UBR3: variants seen among roughly 807,000 people sequenced by gnomAD.
UBR3 encodes E3 ubiquitin-protein ligase UBR3.
In UBR3, 85 loss-of-function variants were observed where a neutral mutation model predicts 243.2. That is an observed-to-expected ratio of 0.35 (90% CI 0.29 to 0.42). The LOEUF (loss-of-function observed/expected upper bound fraction) is 0.42, where lower values mean the gene tolerates loss of function less well. UBR3 is among the 10% of genes least tolerant of loss of function. The pLI, the probability that UBR3 is intolerant of heterozygous loss-of-function variation, is 1.00. For missense variants in UBR3, 1,686 were observed against 2,300.8 expected (o/e 0.73, Z 5.47); for synonymous variants, 748 against 799.8 (o/e 0.94, Z 1.09).
intron 1 of UBR3, among the ~76,000 whole-genome samples, chr2:169,843,146 T>C (rs903921957): frequency 2.0e-5 from 3 of 152,232 alleles, no homozygotes; most frequent in African/African-American, 4.8e-5. Flanking sequence ...GTATTTATTA[T>C]AGCAACGACA....
intron 11 of UBR3, among the ~76,000 whole-genome samples, chr2:169,917,656 G>A (rs1055239297): frequency 3.9e-5 from 6 of 152,124 alleles, no homozygotes; most frequent in Admixed American, 2.0e-4. Flanking sequence ...TAAAAGAAGA[G>A]AAATTAAGTA....
intron 24 of UBR3, among the ~76,000 whole-genome samples, chr2:169,972,236 G>C (rs2088189952): frequency 6.6e-6 from 1 of 152,106 alleles, no homozygotes; most frequent in African/African-American, 2.4e-5. Context: ...TCTCTGAATA[G>C]ACCAATAACA....
Position 169,895,298 on chromosome 2 carries a change from A to C in UBR3, c.1223A>C (p.Asp408Ala). The C allele has an allele frequency of 6.5e-7, 1 of 1,543,034 alleles. No individual in the cohort carries two copies. The highest frequency in any genetic ancestry group is 1.2e-5 in the South Asian group (1 of 82,332). Residue 408 changes from aspartate (D) to alanine (A), a missense_variant, in exon 7 of 39, where the codon GAT becomes GCT. By Grantham distance (126) the Asp-to-Ala change is moderately radical (BLOSUM62 -2). This residue lies in a region of UBR3 where 200 missense variants were observed against 231.6 expected (regional missense o/e 0.86). Transcript: ENST00000272793. ...MVTFLLNMLP[D>A]QEYKVAFTKT... Reference sequence around the variant, plus strand: ...ACTTTCTTACTCAACATGCTTCCAGATCAAGAGTATAAGGTATCTATATAT... The same window carrying C: ...ACTTTCTTACTCAACATGCTTCCAGCTCAAGAGTATAAGGTATCTATATAT...
intron 24 of UBR3, among the ~76,000 whole-genome samples, chr2:169,971,316 G>A (rs1574313052): frequency 6.6e-6 from 1 of 151,592 alleles, no homozygotes; most frequent in African/African-American, 2.4e-5. Flanking sequence ...CTGTGCAGAA[G>A]CTCTTTAGTT....
intron 1 of UBR3, among the ~76,000 whole-genome samples, chr2:169,840,217 G>A (rs367579984): frequency 1.4e-4 from 21 of 152,320 alleles, no homozygotes; most frequent in African/African-American, 5.1e-4. Context: ...TGAGCCTGAA[G>A]TTTGGCAGTT....
chr2:170,001,912 C>CAAAAAAAAAAAAAAAAAAAAAAAAAAA (rs71006062), intron 27 of UBR3, among the ~76,000 whole-genome samples: 14 of 67,496 alleles, frequency 2.1e-4, no homozygotes, highest in Non-Finnish European at 2.5e-4. Context: ...GACTCCATCT[C>CAAAAAAAAAAAAAAAAAAAAAAAAAAA]AAAAAAAAAA....
chr2:169,962,123 G>A (rs2087604399), intron 24 of UBR3, among the ~76,000 whole-genome samples: 2 of 152,094 alleles, frequency 1.3e-5, no homozygotes, highest in Non-Finnish European at 2.9e-5. Context: ...GAGTATCCCT[G>A]CGGAGGCCCA....
At position 170,073,446 on chromosome 2, in the gene UBR3, G is replaced by A. The variant is rs1311797961; in HGVS notation, c.5038G>A (p.Val1680Ile). The A allele has an allele frequency of 1.2e-6, 2 of 1,613,462 alleles. No homozygotes were observed. The highest frequency in any genetic ancestry group is 1.1e-5 in the South Asian group (1 of 90,982). ...PSCQEEEEFS[V>I]LASCLGLLPT... ...CTAAAAGGAAGAAGAAGAATTTTCAGTTCTTGCCAGCTGCCTGGGACTTCT... is the reference window on the plus strand; with the variant it reads ...CTAAAAGGAAGAAGAAGAATTTTCAATTCTTGCCAGCTGCCTGGGACTTCT... The change falls in exon 36 of 39, where the codon GTT (valine) becomes ATT (isoleucine). Residue 1680 changes from valine to isoleucine, a missense_variant. By Grantham distance (29) the Val-to-Ile change is conservative (BLOSUM62 3). This residue lies in a region of UBR3 where 371 missense variants were observed against 422.5 expected (regional missense o/e 0.88). Coordinates refer to ENST00000272793, the MANE Select transcript of UBR3 (RefSeq NM_172070.4).
intron 10 of UBR3, among the ~76,000 whole-genome samples, chr2:169,907,779 A>T (rs772721929): frequency 4.6e-5 from 7 of 150,664 alleles, no homozygotes; most frequent in Admixed American, 1.3e-4. Context: ...TAATTTTTAA[A>T]TTTTTTTTTA....
intron 5 of UBR3, among the ~76,000 whole-genome samples, chr2:169,886,743 A>G (rs370316427): frequency 6.6e-6 from 1 of 152,180 alleles, no homozygotes; most frequent in Non-Finnish European, 1.5e-5. Context: ...AGGTCAAACA[A>G]AATGCCCAAC....
chr2:169,915,858 C>T lies in UBR3; in HGVS notation c.1866+1712C>T, dbSNP rs189339660. ...TCTATTTTATTCAATGGGTTATAAG[C>T]TATTGCTGTTACTATTTGATGCTCA... is the stretch of plus-strand genomic sequence containing the variant. On this transcript the variant is annotated intron_variant, in intron 11 of 38. Transcript: ENST00000272793. Among the ~76,000 whole-genome samples, 33 of 152,198 alleles carry T rather than the reference C, an allele frequency of 2.2e-4. No individual in the cohort carries two copies. The East Asian group carries it at 4.1e-3, about 19-fold the overall frequency.
chr2:170,035,910 T>TGGG (rs1553538290), intron 31 of UBR3, among the ~76,000 whole-genome samples: 121 of 120,422 alleles, frequency 1.0e-3, no homozygotes, highest in African/African-American at 3.4e-3. Context: ...AGTATTTTAT[T>TGGG]GGGGGGGGGG....
intron 3 of UBR3, among the ~76,000 whole-genome samples, chr2:169,876,531 T>TATTGTATTGTATTGTATTGTATTGTATTG (rs548140513): frequency 1.4e-4 from 20 of 147,338 alleles, no homozygotes; most frequent in African/African-American, 4.5e-4. Flanking sequence ...CTGCCTCTCT[T>TATTGTATTGTATTGTATTGTATTGTATTG]TATTGTATTG....
intron 5 of UBR3, among the ~76,000 whole-genome samples, chr2:169,888,716 T>C (rs2084209841): frequency 6.6e-6 from 1 of 152,240 alleles, no homozygotes; most frequent in Non-Finnish European, 1.5e-5. Context: ...TTCCACATTA[T>C]AATGACATAT....
chr2:169,979,337 G>C (rs2088612467), intron 24 of UBR3, among the ~76,000 whole-genome samples: 1 of 152,130 alleles, frequency 6.6e-6, no homozygotes, highest in African/African-American at 2.4e-5. Context: ...GGAAGAGTCT[G>C]GCATTTTCCT....
At position 170,083,462 on chromosome 2, in the gene UBR3, T is replaced by C. The variant is rs776986813; in HGVS notation, c.*1619T>C. 9 of 152,618 alleles carry C rather than the reference T, an allele frequency of 5.9e-5. No homozygotes were observed. Among genetic ancestry groups the C allele is most frequent in the Non-Finnish European group, 8.8e-5 (6 of 68,006 alleles). 9.5% of individuals were successfully genotyped at this position (152,618 alleles called of 1,614,324 possible). The stretch of plus-strand genomic sequence containing the variant: ...TGTCCTTTCCAACACATTGCTACTT[T>C]TTTAAATACTGTATCATAAGTTCAG... On this transcript the variant is annotated 3_prime_UTR_variant, in exon 39 of 39. Coordinates refer to ENST00000272793, the MANE Select transcript of UBR3 (RefSeq NM_172070.4).
At chr2:169,861,459 T>G (rs1269537705) in intron 1 of UBR3, among the ~76,000 whole-genome samples, 3 of 151,848 alleles carry the variant, frequency 2.0e-5, no homozygotes, top group African/African-American at 4.8e-5. Flanking sequence ...ATTACAAAAA[T>G]TAGCTGGGTG....
Position 169,827,519 on chromosome 2 carries a change from G to T in UBR3, c.12G>T (p.Ala4=). ...TCTGAGCTCTCATCATGGCGGCGGCGGCCGCGGCGGCCGTCGGGGGCCAGC... is the reference window on the plus strand; with the variant it reads ...TCTGAGCTCTCATCATGGCGGCGGCTGCCGCGGCGGCCGTCGGGGGCCAGC... The part of the protein sequence containing the change: MAA[A]AAAAVGGQQP... The change falls in exon 1 of 39, where the codon GCG becomes GCT. Residue 4 remains alanine, a synonymous_variant. Transcript: ENST00000272793. 8.2e-7 allele frequency: 1 copy of T among 1,225,268 alleles called. No homozygotes were observed. Among genetic ancestry groups the T allele is most frequent in the South Asian group, 4.1e-5 (1 of 24,486 alleles). The allele number at this position is 1,225,268 out of a possible 1,614,324, so 75.9% of individuals were successfully genotyped here.
intron 20 of UBR3, among the ~76,000 whole-genome samples, chr2:169,944,253 T>G (rs2086703615): frequency 6.6e-6 from 1 of 152,166 alleles, no homozygotes. Context: ...AGTTCTGTTA[T>G]TATTCTCCTT....
Sources: allele counts gnomAD v4.1 joint callset (sites outside exome capture counted in the v4.1 genomes callset), GRCh38; gene constraint gnomAD v4.1.1; regional missense constraint gnomAD v4.1.1; transcripts MANE v1.5; gene names NCBI Gene and HGNC (gene_info 2026-07-23, HGNC 2026-07-21).